The following PRKCA variants were observed in gnomAD, a reference collection of about 807,000 sequenced individuals.
PRKCA encodes the protein protein kinase C alpha.
Under a neutral mutation model 87.0 loss-of-function variants are expected in PRKCA, and 27 were observed. The observed-to-expected ratio is 0.31, with a 90% CI of 0.23 to 0.43. The LOEUF (loss-of-function observed/expected upper bound fraction) is 0.43. PRKCA is among the 20% of genes least tolerant of loss of function. PRKCA has a pLI of 1.00. For missense variants in PRKCA, 518 were observed against 852.3 expected, an observed-to-expected ratio of 0.61 and a Z score of 4.88; for synonymous variants, 329 against 311.1, an observed-to-expected ratio of 1.06 and a Z score of -0.61.
At chr17:66,545,593 T>C (rs1968124932) in intron 3 of PRKCA, among the ~76,000 whole-genome samples, 2 of 152,148 alleles carry the variant, frequency 1.3e-5, no homozygotes, top group African/African-American at 4.8e-5. Flanking sequence ...AGCTAAAATA[T>C]CGGGAGAATT....
chr17:66,550,868 G>T (rs562835378), intron 3 of PRKCA, among the ~76,000 whole-genome samples: 33 of 152,210 alleles, frequency 2.2e-4, no homozygotes, highest in African/African-American at 7.7e-4. Flanking sequence ...GCATGTAAGA[G>T]TGGGGAGCTG....
chr17:66,577,967 G>T (rs1969292409), intron 3 of PRKCA, among the ~76,000 whole-genome samples: 1 of 151,856 alleles, frequency 6.6e-6, no homozygotes, highest in African/African-American at 2.4e-5. Flanking sequence ...CCGCACACCT[G>T]CTCTGTGCCA....
intron 2 of PRKCA, among the ~76,000 whole-genome samples, chr17:66,358,728 T>C (rs1252833087): frequency 1.3e-5 from 2 of 152,134 alleles, no homozygotes; most frequent in Non-Finnish European, 2.9e-5. Context: ...GTTGGCACAT[T>C]TGCTCTGCTG....
intron 5 of PRKCA, among the ~76,000 whole-genome samples, chr17:66,685,165 T>G (rs2144022562): frequency 6.6e-6 from 1 of 152,290 alleles, no homozygotes; most frequent in South Asian, 2.1e-4. Flanking sequence ...ACCATGGATT[T>G]ATTTTTTCAT....
chr17:66,339,491 A>G (rs74712026), intron 2 of PRKCA, among the ~76,000 whole-genome samples: 2,331 of 152,270 alleles, frequency 0.015, 41 homozygotes, highest in East Asian at 0.11. Flanking sequence ...AGTTTATGCT[A>G]AAAGTTTTTC....
chr17:66,786,152 A>G (rs2144376216), intron 14 of PRKCA, among the ~76,000 whole-genome samples: 1 of 152,328 alleles, frequency 6.6e-6, no homozygotes. Flanking sequence ...TTAAAGAACG[A>G]AGTCATTTGC....
chr17:66,558,020 G>C (rs1315302209), intron 3 of PRKCA, among the ~76,000 whole-genome samples: 1 of 152,146 alleles, frequency 6.6e-6, no homozygotes, highest in African/African-American at 2.4e-5. Context: ...TGATGCTTCT[G>C]AATACTGCCC....
At chr17:66,375,997 A>G (rs1159661364) in intron 2 of PRKCA, among the ~76,000 whole-genome samples, 1 of 152,224 alleles carries the variant, frequency 6.6e-6, no homozygotes, top group Non-Finnish European at 1.5e-5. Context: ...CAATCTCAGC[A>G]AAGACTTCAT....
At chr17:66,496,125 G>C in intron 2 of PRKCA, 76 bp from the exon 3 acceptor site, 1 of 1,128,372 alleles carries the variant, frequency 8.9e-7, no homozygotes, top group Admixed American at 1.9e-5. Context: ...CTAACAGCAA[G>C]TATCTCTGTT....
At chr17:66,699,048 A>G (rs1332005945) in intron 8 of PRKCA, among the ~76,000 whole-genome samples, 1 of 150,942 alleles carries the variant, frequency 6.6e-6, no homozygotes, top group Non-Finnish European at 1.5e-5. Context: ...AGAAAAGGTA[A>G]GCAAGCCAGG....
chr17:66,468,232 C>G (rs1915172054), intron 2 of PRKCA, among the ~76,000 whole-genome samples: 1 of 152,182 alleles, frequency 6.6e-6, no homozygotes, highest in South Asian at 2.1e-4. Context: ...GTGTATTTAC[C>G]TATTTAAAAA....
chr17:66,541,668 C>T (rs1417816963), intron 3 of PRKCA, among the ~76,000 whole-genome samples: 1 of 152,224 alleles, frequency 6.6e-6, no homozygotes, highest in East Asian at 1.9e-4. Flanking sequence ...CACCGTTTGC[C>T]TGCCATACAC....
chr17:66,414,072 G>A (rs980808426), intron 2 of PRKCA, among the ~76,000 whole-genome samples: 14 of 151,612 alleles, frequency 9.2e-5, no homozygotes, highest in African/African-American at 3.2e-4. Context: ...AGATAGGGAC[G>A]TAATTTCCCT....
At chr17:66,667,687 A>T (rs746957807) in intron 5 of PRKCA, among the ~76,000 whole-genome samples, 4 of 152,206 alleles carry the variant, frequency 2.6e-5, no homozygotes, top group African/African-American at 9.7e-5. Flanking sequence ...GGACAAGTTA[A>T]CAACATGAAA....
At chr17:66,438,094 C>T (rs1454436180) in intron 2 of PRKCA, among the ~76,000 whole-genome samples, 1 of 152,026 alleles carries the variant, frequency 6.6e-6, no homozygotes, top group Non-Finnish European at 1.5e-5. Context: ...AAGAACAGGG[C>T]TCAGGCAGCA....
chr17:66,669,307 C>A (rs1266682867), intron 5 of PRKCA, among the ~76,000 whole-genome samples: 1 of 152,008 alleles, frequency 6.6e-6, no homozygotes, highest in Non-Finnish European at 1.5e-5. Flanking sequence ...CTTTGTGGTG[C>A]AACAAACAGC....
chr17:66,754,926 AG>A (rs888115015), intron 13 of PRKCA, among the ~76,000 whole-genome samples: 1 of 152,036 alleles, frequency 6.6e-6, no homozygotes, highest in Non-Finnish European at 1.5e-5. Context: ...ACCTCCCTCA[AG>A]GCCTTACCTC....
chr17:66,763,532 G>A lies in PRKCA; in HGVS notation c.1525-10455G>A, dbSNP rs530799311. 9.2e-5 allele frequency among the ~76,000 whole-genome samples: 14 copies of A among 152,286 alleles called. No individual in the cohort carries two copies. The South Asian group carries it at 2.9e-3, about 32-fold the overall frequency. ...ATGTAAAGAGTGCCTCTGGGGTCCT[G>A]TGTTCTATCCTTGGGAATGGATGAT... On this transcript the variant is annotated intron_variant, in intron 13 of 16. Coordinates refer to ENST00000413366, the MANE Select transcript of PRKCA (RefSeq NM_002737.3).
chr17:66,756,406 C>A (rs369468594), intron 13 of PRKCA, among the ~76,000 whole-genome samples: 1 of 152,076 alleles, frequency 6.6e-6, no homozygotes, highest in East Asian at 1.9e-4. Flanking sequence ...ACAGGCTCCC[C>A]ACAAGACAGA....
Sources: allele counts gnomAD v4.1 joint callset (sites outside exome capture counted in the v4.1 genomes callset), GRCh38; gene constraint gnomAD v4.1.1; transcripts MANE v1.5; gene names NCBI Gene and HGNC (gene_info 2026-07-23, HGNC 2026-07-21).